The following RYR3 variants were observed in gnomAD, a reference collection of about 807,000 sequenced individuals.
RYR3 encodes the protein ryanodine receptor 3, also known as brain ryanodine receptor-calcium release channel.
In RYR3, 207 loss-of-function variants were observed where a neutral mutation model predicts 584.3. The ratio of observed to expected loss-of-function variants is 0.35; its 90% CI spans 0.32 to 0.40. The LOEUF is 0.40. RYR3 is among the 10% of genes least tolerant of loss of function. The pLI, the probability that RYR3 is intolerant of heterozygous loss-of-function variation, is 1.00. For missense variants in RYR3, 5,616 were observed against 6,089.2 expected (o/e 0.92, Z 2.59); for synonymous variants, 2,416 against 2,248.5 (o/e 1.07, Z -2.11).
At chr15:33,675,125 C>CT (rs2064092521) in intron 38 of RYR3, among the ~76,000 whole-genome samples, 2 of 152,150 alleles carry the variant, frequency 1.3e-5, no homozygotes, top group South Asian at 4.1e-4. Flanking sequence ...CGTATGCAGG[C>CT]TTAGAGTGTT....
At chr15:33,860,249 A>C (rs1318985577) in intron 100 of RYR3, among the ~76,000 whole-genome samples, 1 of 152,210 alleles carries the variant, frequency 6.6e-6, no homozygotes, top group Admixed American at 6.5e-5. Flanking sequence ...ACCCTGATCC[A>C]CCTCAGTGTC....
At chr15:33,329,055 C>T (rs1970077123) in intron 1 of RYR3, among the ~76,000 whole-genome samples, 1 of 152,162 alleles carries the variant, frequency 6.6e-6, no homozygotes, top group East Asian at 1.9e-4. Flanking sequence ...ACGGCAGTTA[C>T]TCCCTGCTTA....
At chr15:33,637,305 A>G (rs1045203122) in intron 27 of RYR3, among the ~76,000 whole-genome samples, 4 of 152,258 alleles carry the variant, frequency 2.6e-5, no homozygotes, top group South Asian at 2.1e-4. Flanking sequence ...TTCTTCATCT[A>G]TATCAGAGAA....
chr15:33,448,704 G>A (rs1176237198), intron 1 of RYR3, among the ~76,000 whole-genome samples: 1 of 152,200 alleles, frequency 6.6e-6, no homozygotes, highest in African/African-American at 2.4e-5. Context: ...GTGCAGTTGG[G>A]CTCCTGGGGA....
rs1425901282 is a variant in RYR3 at position 33,562,972 on chromosome 15, G to A, written c.1108G>A (p.Asp370Asn). The A allele has an allele frequency of 6.2e-7, 1 of 1,612,512 alleles. No individual in the cohort carries two copies. The highest frequency in any genetic ancestry group is 8.5e-7 in the Non-Finnish European group (1 of 1,179,198). The change falls in exon 11 of 104, where the codon GAC becomes AAC. Residue 370 changes from aspartate to asparagine, a missense_variant. This residue lies in a region of RYR3 where 1,284 missense variants were observed against 1,344.6 expected (regional missense o/e 0.95). Coordinates refer to ENST00000634891, the MANE Select transcript of RYR3 (RefSeq NM_001036.6). ...TCTGTGGGTGACCTACAAAGCACAA[G>A]ACGCCAAAACTTCCCGCCTGGGACC... ...SGLWVTYKAQDAKTSRLGPLK... is the reference protein window; with the variant it reads ...SGLWVTYKAQNAKTSRLGPLK...
intron 10 of RYR3, among the ~76,000 whole-genome samples, chr15:33,555,453 A>G (rs1049786179): frequency 6.6e-6 from 1 of 152,220 alleles, no homozygotes; most frequent in African/African-American, 2.4e-5. Context: ...AAATCTACAA[A>G]GGATTTTTAA....
At chr15:33,503,969 A>G (rs552310258) in intron 3 of RYR3, among the ~76,000 whole-genome samples, 2 of 152,344 alleles carry the variant, frequency 1.3e-5, no homozygotes, top group East Asian at 3.9e-4. Context: ...CTAATGCTGC[A>G]TGAGCAAGGC....
chr15:33,716,792 T>A (rs2067524729), intron 43 of RYR3, among the ~76,000 whole-genome samples: 1 of 152,162 alleles, frequency 6.6e-6, no homozygotes, highest in African/African-American at 2.4e-5. Flanking sequence ...TATACGTATG[T>A]GGATTTCATC....
chr15:33,517,054 G>T (rs889296495), intron 3 of RYR3, among the ~76,000 whole-genome samples: 1 of 152,062 alleles, frequency 6.6e-6, no homozygotes. Context: ...GTGTGCAGTG[G>T]CACAATCTTG....
chr15:33,379,312 G>T (rs780435230), intron 1 of RYR3, among the ~76,000 whole-genome samples: 2 of 152,200 alleles, frequency 1.3e-5, no homozygotes, highest in East Asian at 3.8e-4. Context: ...TTAGTGACTG[G>T]TCATGTGGCT....
chr15:33,498,918 T>G (rs1443668930), intron 2 of RYR3, among the ~76,000 whole-genome samples: 1 of 152,180 alleles, frequency 6.6e-6, no homozygotes, highest in Non-Finnish European at 1.5e-5. Flanking sequence ...TCAGCACCAT[T>G]TGTTGAAGAG....
intron 1 of RYR3, among the ~76,000 whole-genome samples, chr15:33,316,239 G>T (rs74005170): frequency 0.042 from 6,429 of 152,082 alleles, 389 homozygotes; most frequent in African/African-American, 0.14. Flanking sequence ...TCTTTGCTTT[G>T]TGTTATTTTT....
At chr15:33,592,153 G>A (rs938446070) in intron 16 of RYR3, among the ~76,000 whole-genome samples, 4 of 152,166 alleles carry the variant, frequency 2.6e-5, no homozygotes, top group South Asian at 2.1e-4. Flanking sequence ...ACACAACCCC[G>A]TATTGTCAGT....
At position 33,809,611 on chromosome 15, in the gene RYR3, T is replaced by C. The variant is rs1052866497; in HGVS notation, c.10027-868T>C. Reference sequence around the variant, plus strand: ...GCCCAGTGCATTGGATTCCTCTCTCTCTTTTTTTTTTTTTTTTTTAATGTT... The same window carrying C: ...GCCCAGTGCATTGGATTCCTCTCTCCCTTTTTTTTTTTTTTTTTTAATGTT... On this transcript the variant is annotated intron_variant, in intron 70 of 103. Coordinates refer to ENST00000634891, the MANE Select transcript of RYR3 (RefSeq NM_001036.6). Among the ~76,000 whole-genome samples the C allele has an allele frequency of 7.6e-5, 4 of 52,296 alleles. No individual in the cohort carries two copies. In the South Asian group the frequency reaches 4.0e-3, roughly 52 times the overall value. The allele number at this position is 52,296 out of a possible 152,430, so 34.3% of individuals were successfully genotyped here.
rs1409084809 is a variant in RYR3, at chr15:33,644,403, G to A, written c.3649G>A (p.Gly1217Ser). Residue 1217 changes from glycine (G) to serine (S), a missense_variant, in exon 28 of 104, where the codon GGT (glycine) becomes AGT (serine). Around this residue, in one of 9 missense-constraint regions of RYR3, gnomAD observed 152 missense variants for 200.9 expected, o/e 0.76. Coordinates refer to ENST00000634891, the MANE Select transcript of RYR3 (RefSeq NM_001036.6). Reference sequence around the variant, plus strand: ...TACCTTCAAGTTTTATACCATGTGCGGTCTCCAAGAGGGCTTTGAGCCTTT... The same window carrying A: ...TACCTTCAAGTTTTATACCATGTGCAGTCTCCAAGAGGGCTTTGAGCCTTT... ...ASTFKFYTMC[G>S]LQEGFEPFAV... 3 of 1,613,598 alleles carry A rather than the reference G, an allele frequency of 1.9e-6. No individual in the cohort carries two copies. Among genetic ancestry groups the A allele is most frequent in the Non-Finnish European group, 2.5e-6 (3 of 1,179,714 alleles).
chr15:33,784,711 C>G (rs993159811), intron 65 of RYR3, among the ~76,000 whole-genome samples: 4 of 152,172 alleles, frequency 2.6e-5, no homozygotes, highest in African/African-American at 9.7e-5. Flanking sequence ...GTGGCTCTTA[C>G]TCAGAATTGT....
In RYR3 at chr15:33,311,885, C is replaced by T. The variant is rs1967370416; in HGVS notation, c.51+789C>T. 6.6e-6 allele frequency among the ~76,000 whole-genome samples: 1 copy of T among 152,218 alleles called. No homozygotes were observed. The highest frequency in any genetic ancestry group is 1.5e-5 in the Non-Finnish European group (1 of 68,042). On this transcript the variant is annotated intron_variant, in intron 1 of 103. Transcript: ENST00000634891. The surrounding 1 kb of genome is among the most constrained non-coding windows in gnomAD (Gnocchi z 4.4). ...GAGGGGGCGAAGTCTGTTGCAGCCA[C>T]ACCAGCCTTGCCCTGTAGGAGATAA... is the stretch of plus-strand genomic sequence containing the variant.
intron 41 of RYR3, 145 bp from the exon 42 acceptor site, chr15:33,700,832 A>T (rs2152773144): frequency 1.9e-6 from 1 of 538,732 alleles, no homozygotes; most frequent in East Asian, 2.9e-5. Context: ...ATGCAAGCGG[A>T]CTGTCCCATT....
chr15:33,598,636 A>G (rs1197440123), intron 16 of RYR3, among the ~76,000 whole-genome samples: 1 of 151,856 alleles, frequency 6.6e-6, no homozygotes, highest in African/African-American at 2.4e-5. Context: ...AGCAGGACAA[A>G]AAAAAAAAAC....
Sources: gnomAD v4.1 joint callset for allele counts (sites outside exome capture counted in the v4.1 genomes callset) on GRCh38, gnomAD v4.1.1 for gene constraint, gnomAD v4.1.1 regional missense constraint, Gnocchi (gnomAD v3.1) non-coding constraint, MANE v1.5 for transcripts, NCBI Gene and HGNC (gene_info 2026-07-23, HGNC 2026-07-21) for gene names.